Variants in IKBKB observed in about 807,000 individuals in gnomAD.
IKBKB encodes the protein inhibitor of nuclear factor kappa B kinase subunit beta, also known as inhibitor of nuclear factor kappa-B kinase subunit beta.
In IKBKB, 42 loss-of-function variants were observed where a neutral mutation model predicts 113.6. That is an observed-to-expected ratio of 0.37 (90% CI 0.29 to 0.48). IKBKB has a LOEUF of 0.48. Ranked by LOEUF, IKBKB falls within the 20% of genes least tolerant of loss-of-function variation. IKBKB has a pLI of 0.99. For missense variants in IKBKB, 673 were observed against 939.7 expected (o/e 0.72, Z 3.71); for synonymous variants, 296 against 361.3 (o/e 0.82, Z 2.05).
intron 5 of IKBKB, among the ~76,000 whole-genome samples, chr8:42,297,433 C>G (rs750293212): frequency 6.6e-6 from 1 of 152,176 alleles, no homozygotes; most frequent in African/African-American, 2.4e-5. Flanking sequence ...CCGCTGGGTC[C>G]GGATTCATTG....
At chr8:42,292,379 G>A (rs1812815228) in intron 4 of IKBKB, among the ~76,000 whole-genome samples, 1 of 152,240 alleles carries the variant, frequency 6.6e-6, no homozygotes, top group Non-Finnish European at 1.5e-5. Flanking sequence ...TGGGTTGCAG[G>A]ATGATTGAGG....
rs371034038 is a variant in IKBKB, at chr8:42,320,718, C to T, written c.1579-17C>T. ...CGCCTACCACATCAGTTGACATTAG[C>T]ACAGCTTTTCCATTAGGAGAACGAA... On this transcript the variant is annotated splice_polypyrimidine_tract_variant and intron_variant, in intron 15 of 21. Coordinates refer to ENST00000520810, the MANE Select transcript of IKBKB (RefSeq NM_001556.3). The T allele has an allele frequency of 3.1e-6, 5 of 1,601,476 alleles. No individual in the cohort carries two copies. The African/African-American group carries it at 5.4e-5, about 17-fold the overall frequency.
In IKBKB at chr8:42,322,144, C is replaced by T. The variant is rs200738579; in HGVS notation, c.1829C>T (p.Thr610Met). The change falls in exon 18 of 22, where the codon ACG becomes ATG. Residue 610 changes from threonine (T) to methionine (M), a missense_variant. Transcript: ENST00000520810. ...SFEKKVRVIY[T>M]QLSKTVVCKQ... Reference sequence around the variant, plus strand: ...GAGAAGAAAGTGCGAGTGATCTATACGCAGCTCAGGTATGAGCCCCGACCT... The same window carrying T: ...GAGAAGAAAGTGCGAGTGATCTATATGCAGCTCAGGTATGAGCCCCGACCT... 77 of 1,613,074 alleles carry T rather than the reference C, an allele frequency of 4.8e-5. No individual in the cohort carries two copies. In the Admixed American group the frequency reaches 5.2e-4, roughly 11 times the overall value.
chr8:42,277,471 C>A (rs978777022), intron 2 of IKBKB, among the ~76,000 whole-genome samples: 1 of 152,170 alleles, frequency 6.6e-6, no homozygotes, highest in African/African-American at 2.4e-5. Context: ...GCATGAGTCA[C>A]TAACAGGCGC....
intron 5 of IKBKB, among the ~76,000 whole-genome samples, chr8:42,303,377 GTCTGTT>G (rs1003750125): frequency 6.6e-6 from 1 of 152,124 alleles, no homozygotes; most frequent in Admixed American, 6.5e-5. Flanking sequence ...CCTAATGACT[GTCTGTT>G]TCTAATTATT....
intron 2 of IKBKB, among the ~76,000 whole-genome samples, chr8:42,287,826 TTC>T (rs1384232538): frequency 2.6e-5 from 4 of 152,142 alleles, no homozygotes; most frequent in Admixed American, 6.5e-5. Context: ...TATGCTTGCG[TTC>T]TCTCTGAAAG....
At chr8:42,298,260 A>G (rs1007770578) in intron 5 of IKBKB, 1 of 985,294 alleles carries the variant, frequency 1.0e-6, no homozygotes, top group Non-Finnish European at 1.2e-6. Flanking sequence ...GTCTTATCAG[A>G]TCTTAGATTG....
chr8:42,303,159 TGAGA>T (rs1815771155), intron 5 of IKBKB, among the ~76,000 whole-genome samples: 1 of 111,624 alleles, frequency 9.0e-6, no homozygotes, highest in Non-Finnish European at 2.0e-5. Context: ...AGAGAGAGAA[TGAGA>T]GAGAAACAGA....
At chr8:42,319,122 G>A in intron 13 of IKBKB, 148 bp from the exon 14 acceptor site, 1 of 721,252 alleles carries the variant, frequency 1.4e-6, no homozygotes, top group Non-Finnish European at 2.3e-6. Context: ...ATTGTCCTTG[G>A]GTTATAAGTG....
chr8:42,326,563 G>A, intron 20 of IKBKB: 1 of 157,094 alleles, frequency 6.4e-6, no homozygotes. Flanking sequence ...TCTGCCTCCT[G>A]CCTCCTGCCT....
chr8:42,314,617 A>G (rs1252524195), intron 9 of IKBKB, among the ~76,000 whole-genome samples, 188 bp downstream of exon 9: 1 of 152,112 alleles, frequency 6.6e-6, no homozygotes, highest in African/African-American at 2.4e-5. Context: ...TCTACTAAAA[A>G]TGCAAAAATT....
chr8:42,329,067 T>C, intron 20 of IKBKB, 57 bp from the exon 21 acceptor site: 17 of 1,299,122 alleles, frequency 1.3e-5, no homozygotes, highest in Non-Finnish European at 1.9e-5. Flanking sequence ...AAAATAGCAG[T>C]GTTAGCTCTG....
chr8:42,327,394 C>T (rs1348494433), intron 20 of IKBKB, among the ~76,000 whole-genome samples: 7 of 136,512 alleles, frequency 5.1e-5, no homozygotes, highest in South Asian at 4.7e-4. Context: ...AGTGCAGTGG[C>T]GCGATCTTGG....
chr8:42,282,047 AT>A (rs1810468517), intron 2 of IKBKB, among the ~76,000 whole-genome samples: 1 of 152,310 alleles, frequency 6.6e-6, no homozygotes, highest in South Asian at 2.1e-4. Context: ...ATGCTTATAT[AT>A]AAGTTTTATG....
chr8:42,326,199 C>A, intron 20 of IKBKB, 102 bp downstream of exon 20: 1 of 1,379,738 alleles, frequency 7.2e-7, no homozygotes, highest in Non-Finnish European at 1.0e-6. Flanking sequence ...GATGGTATTA[C>A]CACCTCTCTG....
chr8:42,283,290 G>A (rs1810714789), intron 2 of IKBKB, among the ~76,000 whole-genome samples: 1 of 152,124 alleles, frequency 6.6e-6, no homozygotes, highest in African/African-American at 2.4e-5. Context: ...TTTATGATAG[G>A]TAGAATAATC....
rs1176871161 is a variant in IKBKB at position 42,326,038 on chromosome 8, G to A, written c.2055G>A (p.Gly685=). 3 of 1,614,240 alleles carry A rather than the reference G, an allele frequency of 1.9e-6. No individual in the cohort carries two copies. Among genetic ancestry groups the A allele is most frequent in the South Asian group, 1.1e-5 (1 of 91,084 alleles). ...SMNASRLSQP[G]QLMSQPSTAS... ...ATGCCTCTCGACTTAGCCAGCCTGG[G>A]CAGCTGATGTCTCAGCCCTCCACGG... Residue 685 remains glycine (G), a synonymous_variant, in exon 20 of 22, where the codon GGG becomes GGA. Coordinates refer to ENST00000520810, the MANE Select transcript of IKBKB (RefSeq NM_001556.3).
chr8:42,319,421 A>G lies in IKBKB; in HGVS notation c.1516A>G (p.Thr506Ala), dbSNP rs957699724. 1.2e-6 allele frequency: 2 copies of G among 1,614,202 alleles called. No individual in the cohort carries two copies. The highest frequency in any genetic ancestry group is 3.3e-5 in the Admixed American group (2 of 60,026). ...KYSEQTEFGI[T>A]SDKLLLAWRE... ...CAGCGAGCAAACCGAGTTTGGGATC[A>G]GTGAGTGTGCACTTTGCAATGAGTT... Residue 506 changes from threonine to alanine, a missense_variant and splice_region_variant, in exon 14 of 22, where the codon ACA becomes GCA. Physicochemically the swap from Thr to Ala is moderately conservative, Grantham distance 58 (BLOSUM62 0). Transcript: ENST00000520810.
At chr8:42,288,843 GAAGGCC>G (rs1811975562) in intron 3 of IKBKB, 115 bp downstream of exon 3, 1 of 720,434 alleles carries the variant, frequency 1.4e-6, no homozygotes. Context: ...TAGCACTTTG[GAAGGCC>G]AAGGCGGGCA....
Sources: gnomAD v4.1 joint callset for allele counts (sites outside exome capture counted in the v4.1 genomes callset) on GRCh38, gnomAD v4.1.1 for gene constraint, MANE v1.5 for transcripts, NCBI Gene and HGNC (gene_info 2026-07-23, HGNC 2026-07-21) for gene names.